NBEAL1: variants seen among roughly 807,000 people sequenced by gnomAD.
NBEAL1 encodes the protein neurobeachin-like protein 1.
In NBEAL1, 273 loss-of-function variants were observed where a neutral mutation model predicts 351.3. That is an observed-to-expected ratio of 0.78 (90% CI 0.70 to 0.86). The LOEUF (loss-of-function observed/expected upper bound fraction) is 0.86, where lower values mean the gene tolerates loss of function less well. Ranked by LOEUF, NBEAL1 falls within the 40% of genes least tolerant of loss-of-function variation. The pLI, the probability that NBEAL1 is intolerant of heterozygous loss-of-function variation, is 0.00. For missense variants in NBEAL1, 2,961 were observed against 3,201.3 expected (o/e 0.92, Z 1.81); for synonymous variants, 1,050 against 1,086.4 (o/e 0.97, Z 0.66).
chr2:203,153,212 A>G (rs889326160), intron 35 of NBEAL1, among the ~76,000 whole-genome samples: 14 of 151,836 alleles, frequency 9.2e-5, no homozygotes, highest in Non-Finnish European at 2.9e-5. Context: ...GGCTCACTGT[A>G]GCCTTGACCT....
chr2:203,202,470 C>T (rs1395873447), intron 50 of NBEAL1, among the ~76,000 whole-genome samples: 1 of 152,142 alleles, frequency 6.6e-6, no homozygotes, highest in Non-Finnish European at 1.5e-5. Flanking sequence ...TTCTCATGCT[C>T]AGAGAAGGGG....
At chr2:203,097,479 C>A in intron 10 of NBEAL1, 68 bp from the exon 11 acceptor site, 3 of 565,460 alleles carry the variant, frequency 5.3e-6, no homozygotes, top group Non-Finnish European at 6.7e-6. Flanking sequence ...CCCATTTAAG[C>A]TTCATTGCTG....
rs763534325 is a variant in NBEAL1, at chr2:203,218,778, A to C, written c.*1424A>C. The C allele has an allele frequency of 1.3e-5, 2 of 152,108 alleles. No homozygotes were observed. Among genetic ancestry groups the C allele is most frequent in the Non-Finnish European group, 2.9e-5 (2 of 67,994 alleles). The allele number at this position is 152,108 out of a possible 1,614,324, so 9.4% of individuals were successfully genotyped here. Reference sequence around the variant, plus strand: ...GTAAAAAAATTTTAAGAAATAAAGGATTCTGTTTAGGGAAACTTTTGAATA... The same window carrying C: ...GTAAAAAAATTTTAAGAAATAAAGGCTTCTGTTTAGGGAAACTTTTGAATA... On this transcript the variant is annotated 3_prime_UTR_variant, in exon 56 of 56. Coordinates refer to ENST00000683969, the MANE Select transcript of NBEAL1 (RefSeq NM_001378026.1).
At chr2:203,171,849 G>T (rs1389108034) in intron 39 of NBEAL1, 79 bp from the exon 40 acceptor site, 53 of 564,652 alleles carry the variant, frequency 9.4e-5, no homozygotes, top group Middle Eastern at 5.0e-4. Context: ...CCCATTCTTG[G>T]TACTGTCAGT....
At chr2:203,207,473 G>A (rs1298770043) in intron 51 of NBEAL1, among the ~76,000 whole-genome samples, 3 of 152,168 alleles carry the variant, frequency 2.0e-5, no homozygotes, top group Non-Finnish European at 2.9e-5. Context: ...ATAGAAAGGG[G>A]GGAAAGGTGG....
intron 31 of NBEAL1, among the ~76,000 whole-genome samples, chr2:203,141,363 ATTATTTTTTTTTTT>A (rs2063369054): frequency 5.7e-5 from 1 of 17,488 alleles, no homozygotes; most frequent in Non-Finnish European, 1.4e-4. Context: ...TATTATTATT[ATTATTTTTTTTTTT>A]TTTTTTTTTT....
intron 7 of NBEAL1, among the ~76,000 whole-genome samples, chr2:203,070,004 A>G (rs1269166638): frequency 6.6e-6 from 1 of 152,206 alleles, no homozygotes; most frequent in Non-Finnish European, 1.5e-5. Flanking sequence ...ACTAGTATAT[A>G]GAAATGTAAT....
At chr2:203,081,692 C>G (rs1477539969) in intron 8 of NBEAL1, among the ~76,000 whole-genome samples, 1 of 152,198 alleles carries the variant, frequency 6.6e-6, no homozygotes, top group Non-Finnish European at 1.5e-5. Context: ...GCTTACTATT[C>G]TATTTCATGC....
At chr2:203,083,999 TG>T (rs1240538056) in intron 9 of NBEAL1, among the ~76,000 whole-genome samples, 1 of 151,516 alleles carries the variant, frequency 6.6e-6, no homozygotes, top group East Asian at 1.9e-4. Context: ...TGTGTGTGTG[TG>T]TGTGTGTGTG....
intron 53 of NBEAL1, among the ~76,000 whole-genome samples, chr2:203,210,125 G>A (rs1486847423): frequency 6.6e-6 from 1 of 152,094 alleles, no homozygotes; most frequent in Non-Finnish European, 1.5e-5. Context: ...CACTTTGGGA[G>A]GCTGAGGTGG....
chr2:203,194,027 T>G, intron 47 of NBEAL1, 116 bp downstream of exon 47: 3 of 550,568 alleles, frequency 5.4e-6, no homozygotes, highest in Non-Finnish European at 9.3e-6. Flanking sequence ...AGATAGTAAA[T>G]TATACTGTAA....
In NBEAL1 at chr2:203,199,421, C is replaced by A; in HGVS notation, c.7212C>A (p.Ile2404=). 1 of 1,600,610 alleles carries A rather than the reference C, an allele frequency of 6.2e-7. No homozygotes were observed. The highest frequency in any genetic ancestry group is 1.1e-5 in the South Asian group (1 of 90,254). The change falls in exon 49 of 56, where the codon ATC becomes ATA. Residue 2404 remains isoleucine, a synonymous_variant. Transcript: ENST00000683969. ...DRNISNYFTF[I]KDQTVTNPKT... ...ACATTTCTAATTACTTTACATTCAT[C>A]AAGGATCAAACTGTGACAAATCCAA...
At chr2:203,054,434 A>G (rs1464046049) in intron 4 of NBEAL1, among the ~76,000 whole-genome samples, 1 of 151,930 alleles carries the variant, frequency 6.6e-6, no homozygotes, top group Non-Finnish European at 1.5e-5. Flanking sequence ...TCAAAAAAAA[A>G]AAAAAAATTT....
At chr2:203,070,358 T>TCG (rs1220476610) in intron 7 of NBEAL1, among the ~76,000 whole-genome samples, 4 of 114,598 alleles carry the variant, frequency 3.5e-5, no homozygotes, top group African/African-American at 1.3e-4. Context: ...TCTCTCTCTC[T>TCG]CTTTTTTTTT....
chr2:203,172,911 T>G, intron 41 of NBEAL1, 58 bp downstream of exon 41: 1 of 1,485,012 alleles, frequency 6.7e-7, no homozygotes, highest in African/African-American at 1.4e-5. Context: ...TTTGTATTGA[T>G]TTTTTACTAT....
chr2:203,024,697 A>G (rs1329505999), intron 2 of NBEAL1, among the ~76,000 whole-genome samples: 5 of 152,090 alleles, frequency 3.3e-5, no homozygotes, highest in Admixed American at 3.3e-4. Context: ...ACCCGTCTCT[A>G]CTAAAAATAC....
At chr2:203,087,090 CTTTTTTT>C (rs1003638123) in intron 10 of NBEAL1, among the ~76,000 whole-genome samples, 9 of 121,062 alleles carry the variant, frequency 7.4e-5, no homozygotes, top group East Asian at 2.4e-4. Context: ...CTTTTTCACT[CTTTTTTT>C]TTTTTTTTTT....
At chr2:203,110,390 G>C in intron 15 of NBEAL1, 108 bp downstream of exon 15, 2 of 1,239,016 alleles carry the variant, frequency 1.6e-6, no homozygotes, top group Non-Finnish European at 2.2e-6. Flanking sequence ...TTTAAATGAG[G>C]CTGGGCGCAG....
In NBEAL1 at chr2:203,225,050, T is replaced by G. The variant is rs1444731312; in HGVS notation, c.*7696T>G. On this transcript the variant is annotated 3_prime_UTR_variant, in exon 56 of 56. Coordinates refer to ENST00000683969, the MANE Select transcript of NBEAL1 (RefSeq NM_001378026.1). ...TCTGTATAGCATGATTAAAGATAATTGAAAATTTTGCACTTATTTTAGGCC... is the reference window on the plus strand; with the variant it reads ...TCTGTATAGCATGATTAAAGATAATGGAAAATTTTGCACTTATTTTAGGCC... Among the ~76,000 whole-genome samples the G allele has an allele frequency of 1.3e-5, 2 of 152,206 alleles. No individual in the cohort carries two copies. Among genetic ancestry groups the G allele is most frequent in the African/African-American group, 2.4e-5 (1 of 41,456 alleles).
Sources: gnomAD v4.1 joint callset for allele counts (sites outside exome capture counted in the v4.1 genomes callset) on GRCh38, gnomAD v4.1.1 for gene constraint, MANE v1.5 for transcripts, NCBI Gene and HGNC (gene_info 2026-07-23, HGNC 2026-07-21) for gene names.